Variants in STS observed in about 807,000 individuals in gnomAD.
STS encodes steryl-sulfatase.
STS carries 7 observed loss-of-function variants against 26.8 expected under a neutral mutation model. That is an observed-to-expected ratio of 0.26 (90% CI 0.15 to 0.49). The LOEUF is 0.49. STS is among the 20% of genes least tolerant of loss of function. STS has a pLI of 0.98. For missense variants in STS, 434 were observed against 465.6 expected, an observed-to-expected ratio of 0.93 and a Z score of 0.63; for synonymous variants, 199 against 189.4, an observed-to-expected ratio of 1.05 and a Z score of -0.42.
intron 7 of STS, among the ~76,000 whole-genome samples, chrX:7,288,268 C>G (rs1280690003): frequency 9.5e-6 from 1 of 104,868 alleles, no homozygotes; most frequent in Admixed American, 1.0e-4. Flanking sequence ...TTTTTTAAAG[C>G]TTTTCTTACT....
rs960409397 is a variant in STS at position 7,180,656 on chromosome X, G to A, written c.-133-10224G>A. Among the ~76,000 whole-genome samples the A allele has an allele frequency of 4.5e-5, 5 of 111,746 alleles. No individual in the cohort carries two copies. The Admixed American group carries it at 4.8e-4, about 11-fold the overall frequency. ...AAAAATTGGACATTGATGTCCTGAG[G>A]TTACTTCTGCCTGTAAAACTAGGTG... On this transcript the variant is annotated intron_variant, in intron 1 of 10. Transcript: ENST00000674429.
chrX:7,299,693 A>G, intron 7 of STS, among the ~76,000 whole-genome samples: 1 of 110,638 alleles, frequency 9.0e-6, no homozygotes, highest in Non-Finnish European at 1.9e-5. Context: ...CTCCATTGTA[A>G]AGTTAAGGAA....
At chrX:7,330,331 G>A (rs772426467) in intron 9 of STS, among the ~76,000 whole-genome samples, 1 of 111,749 alleles carries the variant, frequency 8.9e-6, no homozygotes, top group East Asian at 2.8e-4. Context: ...TTCCTAACAA[G>A]GTATTAACAT....
intron 6 of STS, among the ~76,000 whole-genome samples, chrX:7,274,881 A>G (rs1246021398): frequency 8.9e-6 from 1 of 112,175 alleles, no homozygotes; most frequent in Non-Finnish European, 1.9e-5. Flanking sequence ...GTAGAACACA[A>G]AATTGAGTTG....
At chrX:7,182,187 C>G (rs1262542660) in intron 1 of STS, among the ~76,000 whole-genome samples, 1 of 111,907 alleles carries the variant, frequency 8.9e-6, no homozygotes, top group Non-Finnish European at 1.9e-5. Context: ...AATCATAGAG[C>G]AGGCACTTAC....
chrX:7,179,677 A>G (rs770198886), intron 1 of STS, among the ~76,000 whole-genome samples: 1 of 112,449 alleles, frequency 8.9e-6, no homozygotes, highest in South Asian at 3.7e-4. Flanking sequence ...ATCTGCTGTC[A>G]ATGAATGAGT....
chrX:7,328,012 C>CTT (rs1359992816), intron 9 of STS, among the ~76,000 whole-genome samples: 1 of 111,744 alleles, frequency 8.9e-6, no homozygotes, highest in Non-Finnish European at 1.9e-5. Context: ...TCAAACTATT[C>CTT]TTTTTTAACA....
chrX:7,285,184 C>T (rs1239736619), intron 7 of STS, among the ~76,000 whole-genome samples: 1 of 110,910 alleles, frequency 9.0e-6, no homozygotes, highest in East Asian at 2.8e-4. Flanking sequence ...AAGTAAGTTG[C>T]CCAAAGTCAT....
intron 2 of STS, among the ~76,000 whole-genome samples, chrX:7,203,691 A>G (rs1489934356): frequency 8.9e-6 from 1 of 111,750 alleles, no homozygotes; most frequent in African/African-American, 3.3e-5. Context: ...ACTAATCCCA[A>G]ATAAAATTAT....
At chrX:7,215,044 T>C (rs868755398) in intron 2 of STS, among the ~76,000 whole-genome samples, 1 of 86,023 alleles carries the variant, frequency 1.2e-5, no homozygotes, top group African/African-American at 4.1e-5. Context: ...TATATATACA[T>C]ATATATACGT....
chrX:7,164,177 T>C (rs932512836), intron 1 of STS, among the ~76,000 whole-genome samples: 42 of 111,782 alleles, frequency 3.8e-4, no homozygotes, highest in African/African-American at 1.2e-3. Flanking sequence ...AAGACTTCGC[T>C]TGAGCTATTA....
chrX:7,149,087 C>T (rs1932955049), intron 1 of STS, among the ~76,000 whole-genome samples: 2 of 111,187 alleles, frequency 1.8e-5, no homozygotes, highest in Non-Finnish European at 3.8e-5. Context: ...AATTTCAAGA[C>T]TTTAAAAACG....
At chrX:7,293,346 G>A (rs768905634) in intron 7 of STS, among the ~76,000 whole-genome samples, 5 of 111,817 alleles carry the variant, frequency 4.5e-5, no homozygotes, top group South Asian at 7.5e-4. Context: ...AGACAAGGCC[G>A]GAACACTAGG....
chrX:7,205,996 G>C (rs760338492), intron 2 of STS, among the ~76,000 whole-genome samples: 1 of 110,725 alleles, frequency 9.0e-6, no homozygotes, highest in Non-Finnish European at 1.9e-5. Flanking sequence ...GCCGTGATTT[G>C]ATTGTATGTA....
intron 2 of STS, among the ~76,000 whole-genome samples, chrX:7,209,564 A>G (rs1920980686): frequency 9.4e-6 from 1 of 106,213 alleles, no homozygotes; most frequent in Admixed American, 1.0e-4. Context: ...GATGAATACC[A>G]CAGATTTAAA....
intron 7 of STS, among the ~76,000 whole-genome samples, chrX:7,300,286 C>T (rs1160486927): frequency 2.1e-4 from 24 of 112,143 alleles, no homozygotes; most frequent in African/African-American, 7.8e-4. Context: ...GGAGATAGAA[C>T]ATTTCATTTA....
intron 2 of STS, among the ~76,000 whole-genome samples, chrX:7,193,830 A>G (rs1372964174): frequency 8.9e-6 from 1 of 111,875 alleles, no homozygotes; most frequent in Non-Finnish European, 1.9e-5. Context: ...GGGGATTGTC[A>G]GGAGAACACT....
intron 2 of STS, among the ~76,000 whole-genome samples, chrX:7,246,362 C>T (rs1010803995): frequency 7.4e-5 from 8 of 108,354 alleles, no homozygotes; most frequent in African/African-American, 1.4e-4. Context: ...AGTGCAGTGG[C>T]GCGATCTCGG....
intron 2 of STS, among the ~76,000 whole-genome samples, chrX:7,248,896 A>G (rs984943088): frequency 9.0e-6 from 1 of 111,105 alleles, no homozygotes; most frequent in Non-Finnish European, 1.9e-5. Flanking sequence ...TATTTAAAAA[A>G]AATAATAATC....
Sources: allele counts gnomAD v4.1 joint callset (sites outside exome capture counted in the v4.1 genomes callset), GRCh38; gene constraint gnomAD v4.1.1; transcripts MANE v1.5; gene names NCBI Gene and HGNC (gene_info 2026-07-23, HGNC 2026-07-21).